The following ARHGEF16 variants were observed in gnomAD, a reference collection of about 807,000 sequenced individuals.
ARHGEF16 encodes Rho guanine exchange factor (GEF) 16.
In ARHGEF16, 59 loss-of-function variants were observed where a neutral mutation model predicts 74.1. That is an observed-to-expected ratio of 0.80 (90% CI 0.65 to 0.99). The LOEUF (loss-of-function observed/expected upper bound fraction) is 0.99. ARHGEF16 is among the 50% of genes least tolerant of loss of function. The pLI is 0.00. For missense variants in ARHGEF16, 948 were observed against 986.6 expected, an observed-to-expected ratio of 0.96 and a Z score of 0.52; for synonymous variants, 415 against 412.6, an observed-to-expected ratio of 1.01 and a Z score of -0.07.
At chr1:3,466,442 C>T (rs964991397) in intron 3 of ARHGEF16, among the ~76,000 whole-genome samples, 4 of 152,106 alleles carry the variant, frequency 2.6e-5, no homozygotes, top group Non-Finnish European at 4.4e-5. Context: ...CAGACAGAGC[C>T]CCCAGTCTTG....
At chr1:3,477,383 C>T (rs1337060706) in intron 10 of ARHGEF16, among the ~76,000 whole-genome samples, 3 of 11,596 alleles carry the variant, frequency 2.6e-4, no homozygotes, top group Non-Finnish European at 5.5e-4. Context: ...CCCACTGACT[C>T]CAGCAACTCA....
intron 8 of ARHGEF16, 96 bp downstream of exon 8, chr1:3,473,618 TCTC>T (rs1405351501): frequency 3.2e-6 from 5 of 1,559,704 alleles, no homozygotes; most frequent in Non-Finnish European, 4.4e-6. Context: ...CTTGTGACCT[TCTC>T]CTCCAGGCTT....
intron 4 of ARHGEF16, among the ~76,000 whole-genome samples, chr1:3,468,337 G>A (rs1430812377): frequency 6.6e-6 from 1 of 152,206 alleles, no homozygotes; most frequent in African/African-American, 2.4e-5. Context: ...GGGACCCCTG[G>A]GCGGTGTGGC....
chr1:3,468,024 C>G (rs1053352685), intron 4 of ARHGEF16, among the ~76,000 whole-genome samples: 2 of 152,168 alleles, frequency 1.3e-5, no homozygotes, highest in Non-Finnish European at 2.9e-5. Flanking sequence ...ACCCTGGGAC[C>G]CCGGCCAGGG....
intron 14 of ARHGEF16, 106 bp downstream of exon 14, chr1:3,480,019 T>C: frequency 2.7e-6 from 3 of 1,102,664 alleles, no homozygotes; most frequent in Non-Finnish European, 1.3e-6. Context: ...AGGCTGACCA[T>C]GTGCTCACCC....
chr1:3,479,613 A>G, intron 13 of ARHGEF16, 23 bp downstream of exon 13: 2 of 1,606,684 alleles, frequency 1.2e-6, no homozygotes, highest in Non-Finnish European at 1.7e-6. Flanking sequence ...TGGGGCCTGC[A>G]GGGCTGGCCC....
chr1:3,467,453 A>T, intron 4 of ARHGEF16, 116 bp downstream of exon 4: 1 of 1,268,948 alleles, frequency 7.9e-7, no homozygotes, highest in Non-Finnish European at 1.1e-6. Flanking sequence ...CAGTCCTCCC[A>T]GGGAGGGTGG....
At position 3,480,570 on chromosome 1, in the gene ARHGEF16, G is replaced by A. The variant is rs761921315; in HGVS notation, c.2113G>A (p.Val705Met). 5.6e-6 allele frequency: 9 copies of A among 1,608,562 alleles called. No individual in the cohort carries two copies. In the South Asian group the frequency reaches 9.9e-5, roughly 18 times the overall value. ...TGTCCGCAGGATGGAGCGTCTGCGG[G>A]TGGAGACGGACGTGTAGCCCTGGCG... ...GNVRRMERLR[V>M]ETDV The change falls in exon 15 of 15, where the codon GTG becomes ATG. Residue 705 changes from valine to methionine, a missense_variant. Val to Met is a conservative substitution (Grantham distance 21). Coordinates refer to ENST00000378378, the MANE Select transcript of ARHGEF16 (RefSeq NM_014448.4).
intron 1 of ARHGEF16, among the ~76,000 whole-genome samples, chr1:3,455,107 C>T (rs1639237197): frequency 6.6e-6 from 1 of 151,958 alleles, no homozygotes; most frequent in Admixed American, 6.6e-5. Flanking sequence ...CCTCTCTTGA[C>T]CCCGAGTGGC....
In ARHGEF16 at chr1:3,463,267, G is replaced by GC. The variant is rs1183270633; in HGVS notation, c.188dup (p.His65AlafsTer27). On this transcript the variant is annotated frameshift_variant, in exon 2 of 15. Coordinates refer to ENST00000378378, the MANE Select transcript of ARHGEF16 (RefSeq NM_014448.4). LOFTEE classifies it high-confidence loss of function. ...AGGTCCCGGCACCCCCACAGCCTCGGCCCCCGGGGCACGAGGAGCCATGGC... is the reference window on the plus strand; with the variant it reads ...AGGTCCCGGCACCCCCACAGCCTCGGCCCCCCGGGGCACGAGGAGCCATGGC... 6 of 1,549,534 alleles carry GC rather than the reference G, an allele frequency of 3.9e-6. No homozygotes were observed. The highest frequency in any genetic ancestry group is 5.2e-6 in the Non-Finnish European group (6 of 1,146,632).
At chr1:3,477,624 G>C (rs1367356426) in intron 10 of ARHGEF16, among the ~76,000 whole-genome samples, 1 of 146,050 alleles carries the variant, frequency 6.8e-6, no homozygotes, top group Non-Finnish European at 1.5e-5. Context: ...ATGTTCAGTG[G>C]TCACCCAGCC....
intron 1 of ARHGEF16, among the ~76,000 whole-genome samples, chr1:3,456,090 G>A (rs1196299499): frequency 6.6e-6 from 1 of 152,174 alleles, no homozygotes; most frequent in Non-Finnish European, 1.5e-5. Context: ...CCTGGAGGGT[G>A]GGATGGGCCC....
At chr1:3,479,374 C>T (rs1255362612) in intron 12 of ARHGEF16, 143 bp from the exon 13 acceptor site, 1 of 906,684 alleles carries the variant, frequency 1.1e-6, no homozygotes, top group African/African-American at 1.7e-5. Flanking sequence ...GCCTGCCTGG[C>T]ACAGTCTGCC....
chr1:3,454,873 G>T (rs963306710), intron 1 of ARHGEF16, 62 bp downstream of exon 1: 14 of 152,060 alleles, frequency 9.2e-5, no homozygotes, highest in African/African-American at 2.9e-4. Context: ...GAGCCGGGTG[G>T]GGGGATTAGC....
At position 3,468,707 on chromosome 1, in the gene ARHGEF16, T is replaced by TG. The variant is rs373695536; in HGVS notation, c.805-172dup. 291 of 685,874 alleles carry TG rather than the reference T, an allele frequency of 4.2e-4. No homozygotes were observed. In the African/African-American group the frequency reaches 4.8e-3, roughly 11 times the overall value. 42.5% of individuals were successfully genotyped at this position (685,874 alleles called of 1,614,324 possible). A position where few individuals can be genotyped will look rare whatever the true frequency, so the allele number is the denominator to read the frequency against. On this transcript the variant is annotated intron_variant, in intron 4 of 14. Transcript: ENST00000378378. ...AAGGCGGGTTACACAGAGAGGAAGG[T>TG]GACGGGGATAGGCCCTCGGCAGGAC...
chr1:3,477,258 C>G (rs1639905509), intron 10 of ARHGEF16, among the ~76,000 whole-genome samples: 1 of 116,076 alleles, frequency 8.6e-6, no homozygotes, highest in South Asian at 3.1e-4. Flanking sequence ...ACTCTGCCCT[C>G]CCCCCCACCC....
Position 3,467,152 on chromosome 1 carries a change from C to T in ARHGEF16, c.635-16C>T, listed in dbSNP as rs1421232894. The T allele has an allele frequency of 4.5e-6, 7 of 1,547,198 alleles. No individual in the cohort carries two copies. In the East Asian group the frequency reaches 1.2e-4, roughly 27 times the overall value. ...CAATCCCCCAGGGCCACAGGTTACC[C>T]TCCTTCTCTCTCTAGACCCCCAGCT... On this transcript the variant is annotated splice_polypyrimidine_tract_variant and intron_variant, in intron 3 of 14. Coordinates refer to ENST00000378378, the MANE Select transcript of ARHGEF16 (RefSeq NM_014448.4).
At chr1:3,455,744 C>A (rs1639252795) in intron 1 of ARHGEF16, among the ~76,000 whole-genome samples, 1 of 152,070 alleles carries the variant, frequency 6.6e-6, no homozygotes, top group Admixed American at 6.5e-5. Flanking sequence ...AGGTCCTGAC[C>A]CCTCCGTGGC....
intron 10 of ARHGEF16, 98 bp from the exon 11 acceptor site, chr1:3,477,777 G>A: frequency 8.7e-7 from 1 of 1,152,396 alleles, no homozygotes; most frequent in Non-Finnish European, 1.3e-6. Flanking sequence ...GTCCCACCTG[G>A]TGCTATGCGT....
Sources: gnomAD v4.1 joint callset for allele counts (sites outside exome capture counted in the v4.1 genomes callset) on GRCh38, gnomAD v4.1.1 for gene constraint, MANE v1.5 for transcripts, NCBI Gene and HGNC (gene_info 2026-07-23, HGNC 2026-07-21) for gene names.